RBFOX3: variants seen among roughly 807,000 people sequenced by gnomAD.
RBFOX3 encodes the protein RNA binding protein fox-1 homolog 3.
A neutral mutation model predicts 48.7 loss-of-function variants in RBFOX3; 17 were observed. That is an observed-to-expected ratio of 0.35 (90% CI 0.24 to 0.52). RBFOX3 has a LOEUF of 0.52. RBFOX3 is among the 20% of genes least tolerant of loss of function. The pLI, the probability that RBFOX3 is intolerant of heterozygous loss-of-function variation, is 0.94. For synonymous variants in RBFOX3, 212 were observed against 209.5 expected (o/e 1.01, Z -0.10); for missense variants, 382 against 497.5 (o/e 0.77, Z 2.21).
Position 79,254,715 on chromosome 17 carries a change from A to T in RBFOX3, c.-73-18910T>A, listed in dbSNP as rs747220291. The stretch of plus-strand genomic sequence containing the variant: ...ATGCAGTGTCAGTCCAGGCTGTGAA[A>T]AACCCGCCCTGCCTGAGTGGGTGCC... On this transcript the variant is annotated intron_variant, in intron 3 of 14. Transcript: ENST00000693108. This position sits in a 1 kb window ranked among gnomAD's most constrained non-coding sequence, Gnocchi z 4.8. Among the ~76,000 whole-genome samples the T allele has an allele frequency of 2.6e-5, 4 of 152,070 alleles. No homozygotes were observed. The highest frequency in any genetic ancestry group is 4.4e-5 in the Non-Finnish European group (3 of 68,004).
intron 3 of RBFOX3, among the ~76,000 whole-genome samples, chr17:79,274,790 G>A (rs971653718): frequency 4.6e-5 from 7 of 151,988 alleles, no homozygotes; most frequent in Non-Finnish European, 1.0e-4. Context: ...CAGGAGGCAC[G>A]CTTGGCTCCT....
chr17:79,368,349 G>T (rs1435848350), intron 2 of RBFOX3, among the ~76,000 whole-genome samples: 3 of 152,208 alleles, frequency 2.0e-5, no homozygotes, highest in Admixed American at 1.3e-4. Flanking sequence ...CACCATCCAG[G>T]TGGGGGACCA....
chr17:79,466,405 G>T lies in RBFOX3; in HGVS notation c.-175+16049C>A, dbSNP rs1214820689. Among the ~76,000 whole-genome samples, 7 of 152,304 alleles carry T rather than the reference G, an allele frequency of 4.6e-5. No homozygotes were observed. The East Asian group carries it at 1.4e-3, about 29-fold the overall frequency. On this transcript the variant is annotated intron_variant, in intron 2 of 14. Coordinates refer to ENST00000693108, the MANE Select transcript of RBFOX3 (RefSeq NM_001350451.2). The stretch of plus-strand genomic sequence containing the variant: ...CAGGATGGAGAAGGGCAGCACCTGC[G>T]AGTGTTTGCCCCTTGGGGAGTCGAG...
chr17:79,156,309 C>T (rs927516868), intron 4 of RBFOX3, among the ~76,000 whole-genome samples: 1 of 152,186 alleles, frequency 6.6e-6, no homozygotes, highest in African/African-American at 2.4e-5. Context: ...CATTCTTCAT[C>T]CACCCAGGCA....
intron 3 of RBFOX3, among the ~76,000 whole-genome samples, chr17:79,303,673 G>T (rs148702929): frequency 6.6e-6 from 1 of 152,086 alleles, no homozygotes; most frequent in Non-Finnish European, 1.5e-5. Context: ...CCCCGAGAAT[G>T]GTTGCTAGGG....
intron 2 of RBFOX3, among the ~76,000 whole-genome samples, chr17:79,376,450 CT>C (rs1173831952): frequency 1.3e-5 from 2 of 152,316 alleles, no homozygotes; most frequent in East Asian, 3.9e-4. Flanking sequence ...GAGACTGGAG[CT>C]GCCAACATGA....
chr17:79,388,674 C>T (rs1454659234), intron 2 of RBFOX3, among the ~76,000 whole-genome samples: 2 of 152,178 alleles, frequency 1.3e-5, no homozygotes, highest in African/African-American at 2.4e-5. Flanking sequence ...CTAGTGGCCA[C>T]GGAGGATGTC....
chr17:79,175,893 G>A (rs1314215687), intron 4 of RBFOX3, among the ~76,000 whole-genome samples: 2 of 152,248 alleles, frequency 1.3e-5, no homozygotes, highest in Non-Finnish European at 2.9e-5. Context: ...CCGGCTGGAA[G>A]GGCAAGACGG....
intron 2 of RBFOX3, among the ~76,000 whole-genome samples, chr17:79,456,484 C>T (rs1413070602): frequency 4.6e-5 from 7 of 152,102 alleles, no homozygotes; most frequent in Admixed American, 4.6e-4. Flanking sequence ...CTGGAGAGAA[C>T]CCGCCCCAGA....
intron 1 of RBFOX3, among the ~76,000 whole-genome samples, chr17:79,527,458 T>C (rs904401100): frequency 5.9e-5 from 9 of 152,250 alleles, no homozygotes; most frequent in Admixed American, 2.0e-4. Context: ...CTGGTACTTC[T>C]GTGCTCAGCT....
intron 4 of RBFOX3, among the ~76,000 whole-genome samples, chr17:79,123,569 TAAC>T (rs1196101282): frequency 4.0e-5 from 6 of 151,660 alleles, no homozygotes; most frequent in Non-Finnish European, 7.4e-5. Flanking sequence ...GGGGACACGC[TAAC>T]AACGGCCCTA....
At chr17:79,274,906 G>A (rs72848014) in intron 3 of RBFOX3, among the ~76,000 whole-genome samples, 3,249 of 151,662 alleles carry the variant, frequency 0.021, 37 homozygotes, top group Non-Finnish European at 0.03. Flanking sequence ...CGTCCTGCTA[G>A]TGCCCCAATC....
At chr17:79,297,900 A>C (rs1157218148) in intron 3 of RBFOX3, among the ~76,000 whole-genome samples, 1 of 152,222 alleles carries the variant, frequency 6.6e-6, no homozygotes, top group Non-Finnish European at 1.5e-5. Flanking sequence ...GTCAAATAAT[A>C]ATAATAAAAA....
At chr17:79,128,885 C>T (rs1422766087) in intron 4 of RBFOX3, among the ~76,000 whole-genome samples, 5 of 152,164 alleles carry the variant, frequency 3.3e-5, no homozygotes, top group Non-Finnish European at 7.3e-5. Flanking sequence ...GGTGCATGGC[C>T]CTGTTTCAGC....
At chr17:79,491,605 G>A (rs752870791) in intron 1 of RBFOX3, among the ~76,000 whole-genome samples, 7 of 152,086 alleles carry the variant, frequency 4.6e-5, no homozygotes, top group Non-Finnish European at 1.0e-4. Flanking sequence ...CGGGTTTCGG[G>A]TTTGTCCAAC....
chr17:79,101,576 C>T lies in RBFOX3; in HGVS notation c.568+8G>A. Reference sequence around the variant, plus strand: ...CCAGCAGCCTTGTGGGGGGACCCAGCCCCTTACCGTTGGTGTAGGGGTTCC... The same window carrying T: ...CCAGCAGCCTTGTGGGGGGACCCAGTCCCTTACCGTTGGTGTAGGGGTTCC... On this transcript the variant is annotated splice_region_variant and intron_variant, in intron 9 of 14. Transcript: ENST00000693108. The T allele has an allele frequency of 6.4e-7, 1 of 1,550,594 alleles. No homozygotes were observed. Among genetic ancestry groups the T allele is most frequent in the Non-Finnish European group, 8.7e-7 (1 of 1,146,410 alleles).
the RBFOX3 span, among the ~76,000 whole-genome samples, chr17:79,651,384 C>T: frequency 6.6e-6 from 1 of 152,188 alleles, no homozygotes; most frequent in East Asian, 1.9e-4. Flanking sequence ...GCAACCAAAA[C>T]AACAGACAGG....
At position 79,212,833 on chromosome 17, in the gene RBFOX3, C is replaced by T. The variant is rs1390612635; in HGVS notation, c.-34+22933G>A. Among the ~76,000 whole-genome samples the T allele has an allele frequency of 6.6e-6, 1 of 152,134 alleles. No homozygotes were observed. Among genetic ancestry groups the T allele is most frequent in the Non-Finnish European group, 1.5e-5 (1 of 68,012 alleles). ...TCCCTTAGGGGACCCAGACAACTTC[C>T]TGGGGCCTGGAAACAGATGTCACCT... On this transcript the variant is annotated intron_variant, in intron 4 of 14. Transcript: ENST00000693108. This position sits in a 1 kb window ranked among gnomAD's most constrained non-coding sequence, Gnocchi z 4.7.
chr17:79,521,336 A>G (rs1471127397), intron 1 of RBFOX3, among the ~76,000 whole-genome samples: 1 of 151,878 alleles, frequency 6.6e-6, no homozygotes, highest in Non-Finnish European at 1.5e-5. Context: ...ATTCATACAC[A>G]CATTCACACA....
Sources: allele counts gnomAD v4.1 joint callset (sites outside exome capture counted in the v4.1 genomes callset), GRCh38; gene constraint gnomAD v4.1.1; non-coding constraint Gnocchi (gnomAD v3.1); transcripts MANE v1.5; gene names NCBI Gene and HGNC (gene_info 2026-07-23, HGNC 2026-07-21).